Variants in SLC28A3 observed in about 807,000 individuals in gnomAD.
SLC28A3 encodes concentrative Na(+)-nucleoside cotransporter 3.
In SLC28A3, 68 loss-of-function variants were observed where a neutral mutation model predicts 84.2. The ratio of observed to expected loss-of-function variants is 0.81; its 90% CI spans 0.66 to 0.99. The LOEUF (loss-of-function observed/expected upper bound fraction) is 0.99, where lower values mean the gene tolerates loss of function less well. Among genes scored for constraint, SLC28A3 ranks in the 50% least tolerant of loss-of-function variants. The pLI, the probability that SLC28A3 is intolerant of heterozygous loss-of-function variation, is 0.00. For synonymous variants in SLC28A3, 267 were observed against 303.6 expected, an observed-to-expected ratio of 0.88 and a Z score of 1.25; for missense variants, 712 against 841.5, an observed-to-expected ratio of 0.85 and a Z score of 1.90.
the SLC28A3 span, among the ~76,000 whole-genome samples, chr9:84,363,563 C>A: frequency 6.6e-6 from 1 of 152,138 alleles, no homozygotes; most frequent in Non-Finnish European, 1.5e-5. Flanking sequence ...GAATTGAATC[C>A]TGTCACATCC....
intron 2 of SLC28A3, chr9:84,310,535 A>G: frequency 1.0e-6 from 1 of 985,444 alleles, no homozygotes; most frequent in African/African-American, 1.7e-5. Context: ...AAGAAGTATA[A>G]TGTCAAATCT....
chr9:84,304,335 C>G (rs1335871588), intron 4 of SLC28A3, among the ~76,000 whole-genome samples: 1 of 152,166 alleles, frequency 6.6e-6, no homozygotes, highest in Non-Finnish European at 1.5e-5. Flanking sequence ...CTTGGCTGTG[C>G]AGCAGCCTGG....
chr9:84,298,067 G>A, intron 6 of SLC28A3, 48 bp from the exon 7 acceptor site: 1 of 1,476,076 alleles, frequency 6.8e-7, no homozygotes, highest in Non-Finnish European at 9.4e-7. Flanking sequence ...AATTAATGCA[G>A]GCCGTGGCAT....
chr9:84,321,303 A>C (rs1390705742), intron 1 of SLC28A3, among the ~76,000 whole-genome samples: 1 of 152,136 alleles, frequency 6.6e-6, no homozygotes, highest in African/African-American at 2.4e-5. Flanking sequence ...GTCTGTCTGA[A>C]GGCAGCAACT....
intron 1 of SLC28A3, among the ~76,000 whole-genome samples, chr9:84,326,837 C>T (rs1226800893): frequency 1.3e-5 from 2 of 152,016 alleles, no homozygotes; most frequent in Non-Finnish European, 2.9e-5. Context: ...GAAATCCCAT[C>T]TCAACTAAAA....
chr9:84,340,742 A>T lies in SLC28A3; in HGVS notation c.-109T>A. On this transcript the variant is annotated 5_prime_UTR_variant, in exon 1 of 18. Coordinates refer to ENST00000376238, the MANE Select transcript of SLC28A3 (RefSeq NM_001199633.2). The stretch of plus-strand genomic sequence containing the variant: ...CACCTGCTGTTACAGGGACCTGGGC[A>T]CAGCTTGCTTCAGTTTGGAAACTTC... 1 of 1,263,646 alleles carries T rather than the reference A, an allele frequency of 7.9e-7. No individual in the cohort carries two copies. The highest frequency in any genetic ancestry group is 2.3e-5 in the East Asian group (1 of 42,882). 78.3% of individuals were successfully genotyped at this position (1,263,646 alleles called of 1,614,324 possible).
intron 1 of SLC28A3, among the ~76,000 whole-genome samples, chr9:84,318,809 C>A (rs1826261675): frequency 6.6e-6 from 1 of 151,266 alleles, no homozygotes; most frequent in African/African-American, 2.4e-5. Flanking sequence ...GCGGAGGTTG[C>A]AGTGAGCTGA....
chr9:84,347,037 G>A, the SLC28A3 span, among the ~76,000 whole-genome samples: 4,035 of 151,854 alleles, frequency 0.027, 139 homozygotes, highest in East Asian at 0.09. Flanking sequence ...CTAGCCGGAC[G>A]TGGTAGTGGG....
the SLC28A3 span, among the ~76,000 whole-genome samples, chr9:84,359,292 T>A: frequency 6.6e-6 from 1 of 152,342 alleles, no homozygotes; most frequent in South Asian, 2.1e-4. Context: ...TAAAAATACA[T>A]GACTTGTGTG....
chr9:84,278,146 C>CA lies in SLC28A3; in HGVS notation c.*71_*72insT, dbSNP rs1824591074. On this transcript the variant is annotated 3_prime_UTR_variant, in exon 18 of 18. Coordinates refer to ENST00000376238, the MANE Select transcript of SLC28A3 (RefSeq NM_001199633.2). ...AGCATCAATCTGTGGACAATAGCTT[C>CA]TTTTTTTTTTCTTTCCAAAGCAGAA... 7.2e-7 allele frequency: 1 copy of CA among 1,380,764 alleles called. No homozygotes were observed. The highest frequency in any genetic ancestry group is 1.4e-5 in the South Asian group (1 of 69,690). 85.5% of individuals were successfully genotyped at this position (1,380,764 alleles called of 1,614,324 possible). A position where few individuals can be genotyped will look rare whatever the true frequency, so the allele number is the denominator to read the frequency against.
the SLC28A3 span, among the ~76,000 whole-genome samples, chr9:84,362,659 TAATA>T: frequency 1.8e-4 from 26 of 145,504 alleles, no homozygotes; most frequent in Admixed American, 4.8e-4. Flanking sequence ...ATAAATAAGT[TAATA>T]AATAAATAAA....
intron 17 of SLC28A3, 122 bp from the exon 18 acceptor site, chr9:84,278,466 T>C (rs1022075461): frequency 1.1e-5 from 14 of 1,304,730 alleles, no homozygotes; most frequent in Non-Finnish European, 1.5e-5. Flanking sequence ...ACATTCTGGT[T>C]AGGGTGGATT....
chr9:84,339,653 G>T (rs908128658), intron 1 of SLC28A3, among the ~76,000 whole-genome samples: 1 of 152,172 alleles, frequency 6.6e-6, no homozygotes, highest in Non-Finnish European at 1.5e-5. Flanking sequence ...ACCTAAGAGG[G>T]TAGATGAAGT....
chr9:84,303,861 T>C (rs954803020), intron 4 of SLC28A3, among the ~76,000 whole-genome samples: 9 of 152,262 alleles, frequency 5.9e-5, no homozygotes, highest in African/African-American at 2.2e-4. Context: ...TGCATGTGCA[T>C]GTGTCTCCTT....
At chr9:84,337,685 C>T (rs547178608) in intron 1 of SLC28A3, among the ~76,000 whole-genome samples, 39 of 152,190 alleles carry the variant, frequency 2.6e-4, no homozygotes, top group African/African-American at 9.4e-4. Context: ...AAATAGCAAA[C>T]GTCTTATTTG....
At chr9:84,322,017 T>G (rs1826397399) in intron 1 of SLC28A3, among the ~76,000 whole-genome samples, 1 of 152,192 alleles carries the variant, frequency 6.6e-6, no homozygotes. Flanking sequence ...GCCATTGCAC[T>G]CCAGCCTGGA....
chr9:84,297,089 T>G (rs1390185112), intron 8 of SLC28A3, 132 bp downstream of exon 8: 2 of 601,174 alleles, frequency 3.3e-6, no homozygotes, highest in Non-Finnish European at 5.8e-6. Context: ...AGAGCAGTGA[T>G]GTATTGCACA....
intron 14 of SLC28A3, among the ~76,000 whole-genome samples, chr9:84,284,130 C>T (rs1018701209): frequency 4.6e-5 from 7 of 152,206 alleles, no homozygotes; most frequent in East Asian, 1.9e-4. Context: ...ATTAACAAAA[C>T]GATTCTCTCC....
rs1825072529 is a variant in SLC28A3, at chr9:84,288,170, G to A, written c.1158C>T (p.Ser386=). The A allele has an allele frequency of 1.2e-6, 2 of 1,613,926 alleles. No individual in the cohort carries two copies. Among genetic ancestry groups the A allele is most frequent in the South Asian group, 2.2e-5 (2 of 91,084 alleles). The change falls in exon 12 of 18, where the codon TCC becomes TCT. Residue 386 remains serine (S), a synonymous_variant. Transcript: ENST00000376238. ...LGAYISFGVP[S]SHLLTASVMS... ...TAACTGACGCTGTTAACAAGTGGGA[G>A]GATGGAACCTGCAATTTCAGAAGAA...
Sources: gnomAD v4.1 joint callset for allele counts (sites outside exome capture counted in the v4.1 genomes callset) on GRCh38, gnomAD v4.1.1 for gene constraint, MANE v1.5 for transcripts, NCBI Gene and HGNC (gene_info 2026-07-23, HGNC 2026-07-21) for gene names.